Variants in DLC1 observed in about 807,000 individuals in gnomAD.
DLC1 encodes DLC1 Rho GTPase activating protein.
Under a neutral mutation model 140.3 loss-of-function variants are expected in DLC1, and 54 were observed. The ratio of observed to expected loss-of-function variants is 0.38; its 90% CI spans 0.31 to 0.48. DLC1 has a LOEUF of 0.48. DLC1 is among the 20% of genes least tolerant of loss of function. The pLI is 0.96. For missense variants in DLC1, 2,536 were observed against 1,907.0 expected (o/e 1.33, Z -6.14); for synonymous variants, 986 against 728.1 (o/e 1.35, Z -5.70).
Position 13,086,375 on chromosome 8 carries a change from C to T in DLC1, c.4381G>A (p.Val1461Ile), listed in dbSNP as rs1817559643. 1 of 1,614,224 alleles carries T rather than the reference C, an allele frequency of 6.2e-7. No individual in the cohort carries two copies. The highest frequency in any genetic ancestry group is 1.3e-5 in the African/African-American group (1 of 75,058). Residue 1461 changes from valine (V) to isoleucine (I), a missense_variant, in exon 17 of 18, where the codon GTT (valine) becomes ATT (isoleucine). Transcript: ENST00000276297. Reference sequence around the variant, plus strand: ...AAATACCTGGACAAGAGCACATTAACCCTCACACCCACCACAGGTGCGCGA... The same window carrying T: ...AAATACCTGGACAAGAGCACATTAATCCTCACACCCACCACAGGTGCGCGA... ...HDRAPVVGVR[V>I]NVLLSRYLIE...
At chr8:13,173,693 A>T (rs1825613586) in intron 5 of DLC1, among the ~76,000 whole-genome samples, 1 of 152,038 alleles carries the variant, frequency 6.6e-6, no homozygotes, top group Non-Finnish European at 1.5e-5. Flanking sequence ...TTTTTCCGCT[A>T]CTAAATTAAG....
intron 4 of DLC1, among the ~76,000 whole-genome samples, chr8:13,326,685 A>T (rs1040958026): frequency 2.0e-5 from 3 of 152,128 alleles, no homozygotes; most frequent in Admixed American, 1.3e-4. Flanking sequence ...TGGTTCTCAA[A>T]CTTCAGCGTG....
At chr8:13,312,360 CAAAAAAAAAA>C (rs777597726) in intron 4 of DLC1, among the ~76,000 whole-genome samples, 7 of 6,638 alleles carry the variant, frequency 1.1e-3, no homozygotes, top group East Asian at 0.01. Flanking sequence ...GACTCCGTCT[CAAAAAAAAAA>C]AAAAAAAAAA....
intron 1 of DLC1, among the ~76,000 whole-genome samples, chr8:13,545,859 C>T (rs1803633898): frequency 6.6e-6 from 1 of 152,090 alleles, no homozygotes; most frequent in South Asian, 2.1e-4. Flanking sequence ...CCAATGTTTT[C>T]ATATTTTATG....
intron 4 of DLC1, among the ~76,000 whole-genome samples, chr8:13,345,813 C>A (rs1460039511): frequency 6.6e-6 from 1 of 152,088 alleles, no homozygotes; most frequent in African/African-American, 2.4e-5. Context: ...CTCTCTGTGG[C>A]CTCTGAAAGT....
At chr8:13,399,600 C>T (rs1370439202) in intron 3 of DLC1, among the ~76,000 whole-genome samples, 1 of 152,172 alleles carries the variant, frequency 6.6e-6, no homozygotes, top group East Asian at 1.9e-4. Flanking sequence ...GAGACTGGCA[C>T]ACTCTGAGTG....
At chr8:13,533,746 C>T (rs1451446647) in intron 1 of DLC1, among the ~76,000 whole-genome samples, 2 of 152,110 alleles carry the variant, frequency 1.3e-5, no homozygotes, top group African/African-American at 4.8e-5. Context: ...TGGTAATCCC[C>T]ATGTGTGGAG....
chr8:13,536,890 G>A (rs1404823963), intron 1 of DLC1, among the ~76,000 whole-genome samples: 1 of 152,126 alleles, frequency 6.6e-6, no homozygotes, highest in African/African-American at 2.4e-5. Flanking sequence ...AGAGCATCCA[G>A]TAATCTGTTC....
At chr8:13,527,274 C>T (rs1802946601) in intron 1 of DLC1, among the ~76,000 whole-genome samples, 2 of 152,106 alleles carry the variant, frequency 1.3e-5, no homozygotes. Flanking sequence ...TCCTAGTATG[C>T]TAAGAATTTC....
At chr8:13,205,491 T>G (rs1827616447) in intron 5 of DLC1, among the ~76,000 whole-genome samples, 1 of 152,172 alleles carries the variant, frequency 6.6e-6, no homozygotes, top group South Asian at 2.1e-4. Flanking sequence ...TTCTTTTGCT[T>G]TCATCATTTA....
At chr8:13,548,758 G>T (rs998624674) in intron 1 of DLC1, among the ~76,000 whole-genome samples, 4 of 151,948 alleles carry the variant, frequency 2.6e-5, no homozygotes, top group African/African-American at 9.7e-5. Context: ...CATCAAGATA[G>T]CCAGTAAAGA....
In DLC1 at chr8:13,085,714, T is replaced by A. The variant is rs1172147754; in HGVS notation, c.*97A>T. Reference sequence around the variant, plus strand: ...CTACACTCCAGCTTGTAGTTTTCTTTGTTTCAGGATTAGACACAGAACCCA... The same window carrying A: ...CTACACTCCAGCTTGTAGTTTTCTTAGTTTCAGGATTAGACACAGAACCCA... On this transcript the variant is annotated 3_prime_UTR_variant, in exon 18 of 18. Coordinates refer to ENST00000276297, the MANE Select transcript of DLC1 (RefSeq NM_182643.3). 6 of 1,541,008 alleles carry A rather than the reference T, an allele frequency of 3.9e-6. No individual in the cohort carries two copies. Among genetic ancestry groups the A allele is most frequent in the African/African-American group, 1.4e-5 (1 of 72,128 alleles).
intron 2 of DLC1, among the ~76,000 whole-genome samples, chr8:13,419,565 A>G (rs948664594): frequency 6.6e-6 from 1 of 152,194 alleles, no homozygotes; most frequent in Non-Finnish European, 1.5e-5. Context: ...GATGAAGCCC[A>G]TTTGATCATG....
chr8:13,329,169 G>C (rs543253928), intron 4 of DLC1, among the ~76,000 whole-genome samples: 47 of 152,304 alleles, frequency 3.1e-4, no homozygotes, highest in African/African-American at 9.6e-4. Context: ...TCACAGTCTA[G>C]ATGGGGAGAC....
At chr8:13,190,696 G>A (rs886740889) in intron 5 of DLC1, among the ~76,000 whole-genome samples, 1 of 152,100 alleles carries the variant, frequency 6.6e-6, no homozygotes, top group African/African-American at 2.4e-5. Context: ...TGGGCTGTGG[G>A]ATCAGAAGAA....
chr8:13,195,893 C>A (rs1012596210), intron 5 of DLC1, among the ~76,000 whole-genome samples: 2 of 152,190 alleles, frequency 1.3e-5, no homozygotes, highest in Non-Finnish European at 2.9e-5. Flanking sequence ...TAGACTGTCA[C>A]CTTTTAATTT....
chr8:13,431,511 A>AAAAG (rs1554519026), intron 2 of DLC1, among the ~76,000 whole-genome samples: 43 of 132,114 alleles, frequency 3.3e-4, no homozygotes, highest in Non-Finnish European at 5.2e-4. Flanking sequence ...AAAAAAAAAA[A>AAAAG]AAAAGAAAAG....
intron 5 of DLC1, among the ~76,000 whole-genome samples, chr8:13,165,043 G>C (rs567781426): frequency 5.3e-4 from 80 of 152,284 alleles, no homozygotes; most frequent in African/African-American, 1.9e-3. Flanking sequence ...ATGGCTTTAT[G>C]ACTGGTTTCT....
At chr8:13,388,178 ACTGT>A (rs1387349584) in intron 4 of DLC1, among the ~76,000 whole-genome samples, 1 of 152,030 alleles carries the variant, frequency 6.6e-6, no homozygotes, top group South Asian at 2.1e-4. Context: ...TCCCAATCAG[ACTGT>A]CTTAGACATC....
Sources: gnomAD v4.1 joint callset for allele counts (sites outside exome capture counted in the v4.1 genomes callset) on GRCh38, gnomAD v4.1.1 for gene constraint, MANE v1.5 for transcripts, NCBI Gene and HGNC (gene_info 2026-07-23, HGNC 2026-07-21) for gene names.